The following USH2A variants were observed in gnomAD, a reference collection of about 807,000 sequenced individuals.
The protein encoded by USH2A is usherin, also known as Usher syndrome 2A (autosomal recessive, mild).
In USH2A, 443 loss-of-function variants were observed where a neutral mutation model predicts 538.9. The ratio of observed to expected loss-of-function variants is 0.82; its 90% CI spans 0.76 to 0.89. The LOEUF (loss-of-function observed/expected upper bound fraction) is 0.89. USH2A is among the 40% of genes least tolerant of loss of function. USH2A has a pLI of 0.00. For missense variants in USH2A, 6,633 were observed against 6,324.8 expected, an observed-to-expected ratio of 1.05 and a Z score of -1.65; for synonymous variants, 2,413 against 2,273.5, an observed-to-expected ratio of 1.06 and a Z score of -1.75.
In USH2A at chr1:215,639,067, A is replaced by T. The variant is rs1005588419; in HGVS notation, c.15052+88T>A. ...TCTGTATAGTCTATGCTAATATATT[A>T]GGACTCCAAGTATGTATAAACAAAC... On this transcript the variant is annotated intron_variant, in intron 69 of 71. Transcript: ENST00000307340. 13 of 1,220,712 alleles carry T rather than the reference A, an allele frequency of 1.1e-5. No homozygotes were observed. In the Admixed American group the frequency reaches 1.7e-4, roughly 16 times the overall value. 75.6% of individuals were successfully genotyped at this position (1,220,712 alleles called of 1,614,324 possible). A position where few individuals can be genotyped will look rare whatever the true frequency, so the allele number is the denominator to read the frequency against.
Position 215,888,911 on chromosome 1 carries a change from C to T in USH2A, c.7738G>A (p.Gly2580Arg). Residue 2580 changes from glycine to arginine, a missense_variant, in exon 41 of 72, where the codon GGA becomes AGA. Gly to Arg is a moderately radical substitution (Grantham distance 125). Transcript: ENST00000307340. ...ATCACTGTGCAATTAGTGACATTTC[C>T]AGGAGTTCTCAAGTATAGACGGCCA... Reference protein sequence around the residue: ...LHGRLYLRTPGNVTNCTVMHL... With the variant: ...LHGRLYLRTPRNVTNCTVMHL... 6.2e-7 allele frequency: 1 copy of T among 1,614,046 alleles called. No individual in the cohort carries two copies. Among genetic ancestry groups the T allele is most frequent in the Non-Finnish European group, 8.5e-7 (1 of 1,179,990 alleles).
chr1:216,392,029 G>A (rs953061925), intron 3 of USH2A, among the ~76,000 whole-genome samples: 14 of 152,094 alleles, frequency 9.2e-5, no homozygotes, highest in African/African-American at 3.4e-4. Context: ...TAAAACCCTG[G>A]ACTCAGTAAA....
At chr1:215,859,925 G>T (rs1424904306) in intron 44 of USH2A, among the ~76,000 whole-genome samples, 1 of 152,212 alleles carries the variant, frequency 6.6e-6, no homozygotes, top group Non-Finnish European at 1.5e-5. Flanking sequence ...ATGAGGCCTA[G>T]TTGGAGGTGT....
chr1:216,347,801 C>A (rs533645926), intron 4 of USH2A, among the ~76,000 whole-genome samples: 1 of 152,204 alleles, frequency 6.6e-6, no homozygotes, highest in Non-Finnish European at 1.5e-5. Context: ...TTTTAATCCT[C>A]TTTAAAAAGT....
chr1:216,396,461 G>C lies in USH2A; in HGVS notation c.651+22053C>G, dbSNP rs372193825. ...TGATTTAGGACAGTATATCTAATAG[G>C]TTGCGACAAAAATTAACAACAGCCC... On this transcript the variant is annotated intron_variant, in intron 3 of 71. Transcript: ENST00000307340. Among the ~76,000 whole-genome samples the C allele has an allele frequency of 1.7e-3, 262 of 152,130 alleles. 1 individual carries two copies. Among genetic ancestry groups the C allele is most frequent in the African/African-American group, 5.9e-3 (243 of 41,498 alleles).
chr1:215,926,614 C>CTT (rs10673615), intron 38 of USH2A, among the ~76,000 whole-genome samples: 3,386 of 75,734 alleles, frequency 0.045, 207 homozygotes, highest in Middle Eastern at 0.13. Flanking sequence ...ACCTACCTAT[C>CTT]TTTTTTTTTT....
chr1:215,834,567 G>A (rs1356001862), intron 47 of USH2A, among the ~76,000 whole-genome samples: 3 of 152,138 alleles, frequency 2.0e-5, no homozygotes, highest in Admixed American at 6.5e-5. Context: ...AATGGAGACC[G>A]ACATCATGAT....
In USH2A at chr1:215,900,769, G is replaced by A. The variant is rs1193429981; in HGVS notation, c.7437C>T (p.Thr2479=). The A allele has an allele frequency of 4.3e-6, 7 of 1,613,486 alleles. No homozygotes were observed. Among genetic ancestry groups the A allele is most frequent in the Admixed American group, 3.3e-5 (2 of 59,930 alleles). Residue 2479 remains threonine, a synonymous_variant, in exon 39 of 72, where the codon ACC becomes ACT. Transcript: ENST00000307340. The part of the protein sequence containing the change: ...YQLQMRSGDS[T]HGFLELFSNP... ...AGAATGCTCACTCTAGAAATCCATGGGTGGAGTCGCCAGACCTCATCTGGA... is the reference window on the plus strand; with the variant it reads ...AGAATGCTCACTCTAGAAATCCATGAGTGGAGTCGCCAGACCTCATCTGGA...
At chr1:216,351,317 A>G (rs1046110791) in intron 4 of USH2A, among the ~76,000 whole-genome samples, 2 of 152,160 alleles carry the variant, frequency 1.3e-5, no homozygotes, top group African/African-American at 2.4e-5. Flanking sequence ...CGGGGTGATA[A>G]GAAAGATGTA....
chr1:216,414,733 C>G (rs2039548835), intron 3 of USH2A, among the ~76,000 whole-genome samples: 1 of 151,992 alleles, frequency 6.6e-6, no homozygotes, highest in Non-Finnish European at 1.5e-5. Context: ...TTCACATGCA[C>G]AGAAACACAC....
chr1:216,155,145 A>C (rs1009070024), intron 21 of USH2A, among the ~76,000 whole-genome samples: 2 of 152,114 alleles, frequency 1.3e-5, no homozygotes, highest in African/African-American at 2.4e-5. Flanking sequence ...GGACACTGGG[A>C]GAAATTTAGT....
chr1:216,421,344 A>G (rs961114230), intron 2 of USH2A, among the ~76,000 whole-genome samples: 2 of 152,164 alleles, frequency 1.3e-5, no homozygotes, highest in African/African-American at 4.8e-5. Context: ...TATTCAATTT[A>G]TATTACTGAA....
At chr1:216,313,339 C>T (rs888821063) in intron 9 of USH2A, among the ~76,000 whole-genome samples, 1 of 152,108 alleles carries the variant, frequency 6.6e-6, no homozygotes, top group Non-Finnish European at 1.5e-5. Context: ...TTCTATGATT[C>T]TAGGATTAGT....
chr1:215,787,255 CT>C (rs761955199), intron 51 of USH2A, among the ~76,000 whole-genome samples: 3 of 152,068 alleles, frequency 2.0e-5, no homozygotes, highest in Non-Finnish European at 2.9e-5. Context: ...ACTGATAAGT[CT>C]TTAAACTTAG....
chr1:215,841,115 T>A (rs1558122671), intron 46 of USH2A, among the ~76,000 whole-genome samples: 1 of 152,130 alleles, frequency 6.6e-6, no homozygotes, highest in African/African-American at 2.4e-5. Flanking sequence ...AATGGCCATA[T>A]TGCTCAAAGT....
chr1:216,011,311 G>C (rs1032576238), intron 32 of USH2A, among the ~76,000 whole-genome samples: 6 of 151,908 alleles, frequency 3.9e-5, no homozygotes, highest in Non-Finnish European at 5.9e-5. Flanking sequence ...CTTTCACTTG[G>C]ACTGACCCTG....
At chr1:216,128,970 T>C (rs1181902903) in intron 21 of USH2A, among the ~76,000 whole-genome samples, 1 of 152,076 alleles carries the variant, frequency 6.6e-6, no homozygotes, top group Non-Finnish European at 1.5e-5. Flanking sequence ...GAGATCAATT[T>C]TTTTAGTTCT....
chr1:215,831,411 C>T (rs1304047914), intron 47 of USH2A, among the ~76,000 whole-genome samples: 5 of 152,034 alleles, frequency 3.3e-5, no homozygotes, highest in African/African-American at 1.2e-4. Flanking sequence ...ACAGACTGTA[C>T]CTTCTCCTCA....
At chr1:215,774,846 A>T (rs1661413240) in intron 55 of USH2A, among the ~76,000 whole-genome samples, 1 of 151,556 alleles carries the variant, frequency 6.6e-6, no homozygotes, top group Non-Finnish European at 1.5e-5. Context: ...TGGCCTTAAT[A>T]TTTTATCAAT....
Sources: gnomAD v4.1 joint callset for allele counts (sites outside exome capture counted in the v4.1 genomes callset) on GRCh38, gnomAD v4.1.1 for gene constraint, MANE v1.5 for transcripts, NCBI Gene and HGNC (gene_info 2026-07-23, HGNC 2026-07-21) for gene names.